GNA11: variants seen among roughly 807,000 people sequenced by gnomAD.
GNA11 encodes G protein subunit alpha 11.
A neutral mutation model predicts 38.2 loss-of-function variants in GNA11; 8 were observed. The observed-to-expected ratio is 0.21, with a 90% CI of 0.12 to 0.38. The LOEUF (loss-of-function observed/expected upper bound fraction) is 0.38, where lower values mean the gene tolerates loss of function less well. Among genes scored for constraint, GNA11 ranks in the 10% least tolerant of loss-of-function variants. GNA11 has a pLI of 1.00. For synonymous variants in GNA11, 211 were observed against 221.4 expected (o/e 0.95, Z 0.42); for missense variants, 268 against 516.3 (o/e 0.52, Z 4.66).
intron 1 of GNA11, among the ~76,000 whole-genome samples, chr19:3,109,352 C>G (rs369668224): frequency 9.8e-5 from 15 of 152,330 alleles, no homozygotes; most frequent in African/African-American, 3.6e-4. Context: ...ACATGGGCCC[C>G]CTTCCCGATA....
At position 3,123,964 on chromosome 19, in the gene GNA11, A is replaced by C. The variant is rs1914152901; in HGVS notation, c.*2785A>C. 1 of 225,992 alleles carries C rather than the reference A, an allele frequency of 4.4e-6. No individual in the cohort carries two copies. The highest frequency in any genetic ancestry group is 8.8e-6 in the Non-Finnish European group (1 of 113,664). 14.0% of individuals were successfully genotyped at this position (225,992 alleles called of 1,614,324 possible). The stretch of plus-strand genomic sequence containing the variant: ...TTTTCATATCTTTCTCCTGAAATGA[A>C]CTCTGTTTTAAATTGGAATAAATTT... On this transcript the variant is annotated 3_prime_UTR_variant, in exon 7 of 7. Coordinates refer to ENST00000078429, the MANE Select transcript of GNA11 (RefSeq NM_002067.5).
intron 1 of GNA11, among the ~76,000 whole-genome samples, chr19:3,107,959 G>A (rs1913677491): frequency 6.6e-6 from 1 of 152,218 alleles, no homozygotes; most frequent in Non-Finnish European, 1.5e-5. Flanking sequence ...TGGAACTTGG[G>A]TGGGTTTGAC....
chr19:3,118,847 G>C (rs1913990242), intron 4 of GNA11, 77 bp from the exon 5 acceptor site: 2 of 1,367,892 alleles, frequency 1.5e-6, no homozygotes, highest in South Asian at 2.4e-5. Context: ...GGAGGGGCTT[G>C]GGTGGGAGCC....
chr19:3,113,242 C>A lies in GNA11; in HGVS notation c.322-88C>A. On this transcript the variant is annotated intron_variant, in intron 2 of 6. Coordinates refer to ENST00000078429, the MANE Select transcript of GNA11 (RefSeq NM_002067.5). ...CCTGCGGAATGCCGCCCGGGCCAGC[C>A]GAGGCCTGGAAGAGGGGCCGTCACA... 6 of 1,311,578 alleles carry A rather than the reference C, an allele frequency of 4.6e-6. No individual in the cohort carries two copies. In the South Asian group the frequency reaches 7.2e-5, roughly 16 times the overall value. 81.2% of individuals were successfully genotyped at this position (1,311,578 alleles called of 1,614,324 possible).
At chr19:3,103,803 C>T (rs1400681605) in intron 1 of GNA11, among the ~76,000 whole-genome samples, 3 of 151,658 alleles carry the variant, frequency 2.0e-5, no homozygotes, top group East Asian at 3.9e-4. Context: ...TCCTGATTCA[C>T]GCCATTCTCC....
chr19:3,111,873 G>T (rs1913783111), intron 2 of GNA11, among the ~76,000 whole-genome samples: 1 of 152,246 alleles, frequency 6.6e-6, no homozygotes, highest in African/African-American at 2.4e-5. Flanking sequence ...TGCTTTCAGG[G>T]GTAGGGCTCT....
chr19:3,116,617 C>G (rs1446684889), intron 4 of GNA11, among the ~76,000 whole-genome samples: 1 of 152,246 alleles, frequency 6.6e-6, no homozygotes, highest in Non-Finnish European at 1.5e-5. Flanking sequence ...TTATCCTAAC[C>G]AGTGACATCC....
intron 1 of GNA11, among the ~76,000 whole-genome samples, chr19:3,095,609 AC>A (rs1366679794): frequency 6.6e-6 from 1 of 151,676 alleles, no homozygotes; most frequent in East Asian, 1.9e-4. Context: ...GTTCCGGGAA[AC>A]CCCGTACTCC....
Position 3,117,246 on chromosome 19 carries a change from GC to G in GNA11, c.606-1674del, listed in dbSNP as rs1252072303. 3.3e-5 allele frequency: 5 copies of G among 152,296 alleles called. 1 individual carries two copies. Among genetic ancestry groups the G allele is most frequent in the Non-Finnish European group, 5.9e-5 (4 of 68,102 alleles). The allele number at this position is 152,296 out of a possible 1,614,324, so 9.4% of individuals were successfully genotyped here. A position where few individuals can be genotyped will look rare whatever the true frequency, so the allele number is the denominator to read the frequency against. On this transcript the variant is annotated intron_variant, in intron 4 of 6. Coordinates refer to ENST00000078429, the MANE Select transcript of GNA11 (RefSeq NM_002067.5). ...GTTGTGGCATGAATGTCCCCTCACAGCCCCACGCTGGCCTCTTAACAGCGCA... is the reference window on the plus strand; with the variant it reads ...GTTGTGGCATGAATGTCCCCTCACAGCCCACGCTGGCCTCTTAACAGCGCA...
intron 1 of GNA11, among the ~76,000 whole-genome samples, chr19:3,099,656 A>G (rs922662210): frequency 6.6e-6 from 1 of 152,134 alleles, no homozygotes; most frequent in African/African-American, 2.4e-5. Context: ...CTCCCCTGCC[A>G]TCAAGATGTC....
In GNA11 at chr19:3,120,279, G is replaced by A. The variant is rs797022463; in HGVS notation, c.890-710G>A. On this transcript the variant is annotated intron_variant, in intron 6 of 6. Transcript: ENST00000078429. This position sits in a 1 kb window ranked among gnomAD's most constrained non-coding sequence, Gnocchi z 5.9. ...GGGCAGGGGAGTGGCGGGGGGCGCT[G>A]CACCTGCTCCAGCCGCACGTGGCCC... is the stretch of plus-strand genomic sequence containing the variant. 1.3e-5 allele frequency among the ~76,000 whole-genome samples: 2 copies of A among 151,270 alleles called. No individual in the cohort carries two copies. The highest frequency in any genetic ancestry group is 4.8e-5 in the African/African-American group (2 of 41,262).
chr19:3,113,852 G>A (rs1286423618), intron 3 of GNA11, among the ~76,000 whole-genome samples: 1 of 152,204 alleles, frequency 6.6e-6, no homozygotes, highest in South Asian at 2.1e-4. Context: ...GACACAACCT[G>A]GGCCGTCTCG....
rs771537617 is a variant in GNA11, at chr19:3,119,232, G to C, written c.762G>C (p.Leu254=). ...NENRMEESKA[L]FRTIITYPWF... is the part of the protein sequence containing the mutation. The stretch of plus-strand genomic sequence containing the variant: ...ACCGGATGGAGGAGAGCAAAGCCCT[G>C]TTCCGGACCATCATCACCTACCCCT... The change falls in exon 6 of 7, where the codon CTG becomes CTC. Residue 254 remains leucine, a synonymous_variant. Transcript: ENST00000078429. This position sits in a 1 kb window ranked among gnomAD's most constrained non-coding sequence, Gnocchi z 4.6. The C allele has an allele frequency of 1.2e-6, 2 of 1,613,978 alleles. No homozygotes were observed. The highest frequency in any genetic ancestry group is 2.2e-5 in the South Asian group (2 of 91,086).
chr19:3,104,709 G>A (rs1913595234), intron 1 of GNA11, among the ~76,000 whole-genome samples: 1 of 152,202 alleles, frequency 6.6e-6, no homozygotes, highest in Non-Finnish European at 1.5e-5. Context: ...TAGGGATGCA[G>A]GTGGGCAGGG....
intron 1 of GNA11, among the ~76,000 whole-genome samples, chr19:3,102,048 A>T (rs1913518838): frequency 6.6e-6 from 1 of 152,092 alleles, no homozygotes. Flanking sequence ...GTGAGCCGAG[A>T]TTGCACCACT....
In GNA11 at chr19:3,100,050, G is replaced by A. The variant is rs147034383; in HGVS notation, c.136+5263G>A. On this transcript the variant is annotated intron_variant, in intron 1 of 6. Transcript: ENST00000078429. ...GCTGCCGGTGTGGTGATATCTTGTC[G>A]CGTCCACAGCACCTGGCGTGTGTGG... is the stretch of plus-strand genomic sequence containing the variant. 9.1e-3 allele frequency among the ~76,000 whole-genome samples: 1,384 copies of A among 152,294 alleles called. 11 individuals carry two copies. The highest frequency in any genetic ancestry group is 0.019 in the South Asian group (92 of 4,830).
intron 3 of GNA11, among the ~76,000 whole-genome samples, chr19:3,114,442 C>T (rs1055070398): frequency 1.1e-4 from 17 of 152,260 alleles, no homozygotes; most frequent in South Asian, 8.3e-4. Context: ...GCTCATTGCT[C>T]GTGGTGGGTG....
intron 1 of GNA11, among the ~76,000 whole-genome samples, chr19:3,098,977 G>A (rs1371293036): frequency 6.6e-6 from 1 of 152,236 alleles, no homozygotes. Context: ...TTCCACAGCT[G>A]TGAGCTCCGT....
chr19:3,114,099 A>G (rs1913847579), intron 3 of GNA11, among the ~76,000 whole-genome samples: 1 of 152,032 alleles, frequency 6.6e-6, no homozygotes, highest in Non-Finnish European at 1.5e-5. Flanking sequence ...GAGAGACCCT[A>G]AGGCGACAGG....
Sources: gnomAD v4.1 joint callset for allele counts (sites outside exome capture counted in the v4.1 genomes callset) on GRCh38, gnomAD v4.1.1 for gene constraint, Gnocchi (gnomAD v3.1) non-coding constraint, MANE v1.5 for transcripts, NCBI Gene and HGNC (gene_info 2026-07-23, HGNC 2026-07-21) for gene names.